The following PRKAG2 variants were observed in gnomAD, a reference collection of about 807,000 sequenced individuals.
PRKAG2 encodes the protein 5'-AMP-activated protein kinase subunit gamma-2.
In PRKAG2, 26 loss-of-function variants were observed where a neutral mutation model predicts 69.6. The observed-to-expected ratio is 0.37, with a 90% CI of 0.27 to 0.52. The LOEUF is 0.52. Ranked by LOEUF, PRKAG2 falls within the 20% of genes least tolerant of loss-of-function variation. The pLI, the probability that PRKAG2 is intolerant of heterozygous loss-of-function variation, is 0.90. For missense variants in PRKAG2, 557 were observed against 740.0 expected, an observed-to-expected ratio of 0.75 and a Z score of 2.87; for synonymous variants, 293 against 285.0, an observed-to-expected ratio of 1.03 and a Z score of -0.28.
chr7:151,830,349 T>A (rs527999181), intron 1 of PRKAG2, among the ~76,000 whole-genome samples: 1 of 151,998 alleles, frequency 6.6e-6, no homozygotes, highest in African/African-American at 2.4e-5. Flanking sequence ...AAAGGCCAAG[T>A]GGCCCAGGGT....
At chr7:151,710,780 C>T (rs779429724) in intron 3 of PRKAG2, among the ~76,000 whole-genome samples, 1 of 152,240 alleles carries the variant, frequency 6.6e-6, no homozygotes, top group Non-Finnish European at 1.5e-5. Flanking sequence ...CTTGCCCCTA[C>T]AAGCAAATAG....
At chr7:151,755,900 T>G (rs546945642) in intron 3 of PRKAG2, among the ~76,000 whole-genome samples, 41 of 152,356 alleles carry the variant, frequency 2.7e-4, no homozygotes, top group African/African-American at 8.9e-4. Flanking sequence ...GCTCGTGTTC[T>G]TTGGTATTAA....
chr7:151,757,142 G>A (rs1012214784), intron 3 of PRKAG2, among the ~76,000 whole-genome samples: 14 of 152,132 alleles, frequency 9.2e-5, no homozygotes, highest in Non-Finnish European at 2.1e-4. Flanking sequence ...CCTCAGCCCC[G>A]GGAGCCCTTG....
intron 5 of PRKAG2, among the ~76,000 whole-genome samples, chr7:151,609,193 C>A (rs1189121524): frequency 6.6e-6 from 1 of 152,134 alleles, no homozygotes. Flanking sequence ...ATTTTAAAAA[C>A]ACCTGCAAAT....
chr7:151,773,534 G>T (rs1418628808), intron 3 of PRKAG2, among the ~76,000 whole-genome samples: 1 of 152,210 alleles, frequency 6.6e-6, no homozygotes, highest in African/African-American at 2.4e-5. Context: ...ACAAATAGAA[G>T]AGTTGCTATG....
chr7:151,793,580 T>C (rs1183229678), intron 1 of PRKAG2, among the ~76,000 whole-genome samples: 2 of 152,166 alleles, frequency 1.3e-5, no homozygotes, highest in African/African-American at 4.8e-5. Context: ...CCTGCCCACC[T>C]TGCCTGCCCT....
At chr7:151,844,429 G>T (rs991784889) in intron 1 of PRKAG2, among the ~76,000 whole-genome samples, 1 of 152,218 alleles carries the variant, frequency 6.6e-6, no homozygotes. Context: ...CTGGTTTGGC[G>T]AGGCAGAGGT....
Position 151,786,523 on chromosome 7 carries a change from T to C in PRKAG2, c.133A>G (p.Met45Val), listed in dbSNP as rs752879744. ...VHIPDLSSFA[M>V]PLLDGDLEGS... Reference sequence around the variant, plus strand: ...TCCAGGTCTCCGTCCAGGAGCGGCATGGCGAAGGAGCTCAGGTCCTAGGGT... The same window carrying C: ...TCCAGGTCTCCGTCCAGGAGCGGCACGGCGAAGGAGCTCAGGTCCTAGGGT... Residue 45 changes from methionine to valine, a missense_variant, in exon 2 of 16, where the codon ATG becomes GTG. Coordinates refer to ENST00000287878, the MANE Select transcript of PRKAG2 (RefSeq NM_016203.4). 1 of 1,612,982 alleles carries C rather than the reference T, an allele frequency of 6.2e-7. No homozygotes were observed. The highest frequency in any genetic ancestry group is 8.5e-7 in the Non-Finnish European group (1 of 1,179,640).
intron 13 of PRKAG2, 56 bp downstream of exon 13, chr7:151,565,290 C>T: frequency 1.6e-6 from 2 of 1,269,972 alleles, no homozygotes; most frequent in South Asian, 1.4e-5. Flanking sequence ...AAACACATTA[C>T]ATGAATGTTT....
rs141571363 is a variant in PRKAG2, at chr7:151,653,874, C to T, written c.684+21546G>A. On this transcript the variant is annotated intron_variant, in intron 4 of 15. Coordinates refer to ENST00000287878, the MANE Select transcript of PRKAG2 (RefSeq NM_016203.4). Reference sequence around the variant, plus strand: ...ACAAAAATCTTACAGACTTGGTACACGTCTCGCTGCAGATAAGCCCAATCC... The same window carrying T: ...ACAAAAATCTTACAGACTTGGTACATGTCTCGCTGCAGATAAGCCCAATCC... Among the ~76,000 whole-genome samples, 18 of 152,246 alleles carry T rather than the reference C, an allele frequency of 1.2e-4. No homozygotes were observed. In the South Asian group the frequency reaches 1.9e-3, roughly 16 times the overall value.
chr7:151,594,290 T>G (rs895736847), intron 6 of PRKAG2, among the ~76,000 whole-genome samples: 5 of 152,264 alleles, frequency 3.3e-5, no homozygotes, highest in African/African-American at 1.2e-4. Context: ...GTTTAGCATT[T>G]ACTTCTGAGG....
rs549305259 is a variant in PRKAG2 at position 151,696,450 on chromosome 7, G to A, written c.467-20813C>T. Among the ~76,000 whole-genome samples the A allele has an allele frequency of 6.6e-5, 10 of 152,338 alleles. No homozygotes were observed. The East Asian group carries it at 1.7e-3, about 26-fold the overall frequency. ...GGTGGCCTGGGGCAGGTGAGGAAGT[G>A]AGCGCTTCTCAGGAGCAGAGCCAGG... On this transcript the variant is annotated intron_variant, in intron 3 of 15. Transcript: ENST00000287878.
intron 6 of PRKAG2, among the ~76,000 whole-genome samples, chr7:151,591,479 C>T (rs1414281036): frequency 6.6e-6 from 1 of 152,162 alleles, no homozygotes; most frequent in African/African-American, 2.4e-5. Context: ...GCATGAGGGA[C>T]AGACCCCGCA....
intron 2 of PRKAG2, among the ~76,000 whole-genome samples, chr7:151,784,827 T>C (rs1224446391): frequency 1.3e-5 from 2 of 152,216 alleles, no homozygotes; most frequent in Non-Finnish European, 2.9e-5. Context: ...GAAGCAGCCC[T>C]GCCAGTCCTG....
intron 4 of PRKAG2, among the ~76,000 whole-genome samples, chr7:151,669,881 G>GCA (rs1563385334): frequency 0.11 from 624 of 5,486 alleles, 4 homozygotes; most frequent in Middle Eastern, 0.25. Context: ...TGCACACACA[G>GCA]TTGCATGCAC....
chr7:151,864,610 T>TA (rs1164242788), intron 1 of PRKAG2, among the ~76,000 whole-genome samples: 1 of 152,218 alleles, frequency 6.6e-6, no homozygotes, highest in East Asian at 1.9e-4. Flanking sequence ...AATCTCAAAA[T>TA]ACACCTAACA....
intron 1 of PRKAG2, among the ~76,000 whole-genome samples, chr7:151,860,581 G>A (rs1229319483): frequency 2.0e-5 from 3 of 150,662 alleles, no homozygotes; most frequent in African/African-American, 7.3e-5. Context: ...CACCCCACCC[G>A]AGGCCCACTG....
chr7:151,688,042 G>GCCCCCCCCCCCCCCCCCCC (rs61417635), intron 3 of PRKAG2, among the ~76,000 whole-genome samples: 2 of 107,050 alleles, frequency 1.9e-5, no homozygotes, highest in Admixed American at 9.4e-5. Flanking sequence ...AGGAAATGAG[G>GCCCCCCCCCCCCCCCCCCC]CCCCCCCCCG....
At chr7:151,561,932 T>TGAA (rs1554451530) in intron 14 of PRKAG2, among the ~76,000 whole-genome samples, 1 of 81,746 alleles carries the variant, frequency 1.2e-5, no homozygotes, top group African/African-American at 4.1e-5. Flanking sequence ...GACTGTGTCT[T>TGAA]AAAAAAAAAA....
Sources: gnomAD v4.1 joint callset for allele counts (sites outside exome capture counted in the v4.1 genomes callset) on GRCh38, gnomAD v4.1.1 for gene constraint, MANE v1.5 for transcripts, NCBI Gene and HGNC (gene_info 2026-07-23, HGNC 2026-07-21) for gene names.